The following KHDC4 variants were observed in gnomAD, a reference collection of about 807,000 sequenced individuals.
KHDC4 encodes KH homology domain-containing protein 4.
KHDC4 carries 19 observed loss-of-function variants against 74.5 expected under a neutral mutation model. The ratio of observed to expected loss-of-function variants is 0.26; its 90% confidence interval spans 0.18 to 0.37. The LOEUF (loss-of-function observed/expected upper bound fraction) is 0.37, where lower values mean the gene tolerates loss of function less well. Among genes scored for constraint, KHDC4 ranks in the 10% least tolerant of loss-of-function variants. KHDC4 has a pLI of 1.00. For synonymous variants in KHDC4, 253 were observed against 266.1 expected, an observed-to-expected ratio of 0.95 and a Z score of 0.48; for missense variants, 632 against 754.1, an observed-to-expected ratio of 0.84 and a Z score of 1.90.
chr1:155,926,679 T>C lies in KHDC4; in HGVS notation c.678A>G (p.Ser226=), dbSNP rs1674007672. The C allele has an allele frequency of 6.2e-7, 1 of 1,614,006 alleles. No homozygotes were observed. The highest frequency in any genetic ancestry group is 1.7e-5 in the Admixed American group (1 of 59,998). ...PAVSQKPPFQ[S]GMHYVQDKLF... is the part of the protein sequence containing the mutation. ...ACGATCCCTCCCCAAAACATACCCC[T>C]GACTGGAAGGGAGGCTTCTGGCTAA... The change falls in exon 6 of 14, where the codon TCA becomes TCG. Residue 226 remains serine (S), a synonymous_variant. Transcript: ENST00000368321.
intron 6 of KHDC4, 171 bp from the exon 7 acceptor site, chr1:155,926,014 C>T: frequency 1.3e-6 from 1 of 766,486 alleles, no homozygotes; most frequent in Non-Finnish European, 2.4e-6. Flanking sequence ...CTGCTCTCTC[C>T]AACCCTTTTT....
chr1:155,929,989 T>C (rs1475782467), intron 2 of KHDC4, 149 bp from the exon 3 acceptor site: 3 of 361,300 alleles, frequency 8.3e-6, no homozygotes, highest in Non-Finnish European at 9.0e-6. Flanking sequence ...CTCAGCTCAC[T>C]GCAACTTCCG....
chr1:155,926,662 T>G lies in KHDC4; in HGVS notation c.681+14A>C, dbSNP rs1161895436. On this transcript the variant is annotated intron_variant, in intron 6 of 13. Coordinates refer to ENST00000368321, the MANE Select transcript of KHDC4 (RefSeq NM_014949.4). Reference sequence around the variant, plus strand: ...AAATGATAATGCTATTAACGATCCCTCCCCAAAACATACCCCTGACTGGAA... The same window carrying G: ...AAATGATAATGCTATTAACGATCCCGCCCCAAAACATACCCCTGACTGGAA... 6.2e-7 allele frequency: 1 copy of G among 1,613,226 alleles called. No homozygotes were observed. The highest frequency in any genetic ancestry group is 1.3e-5 in the African/African-American group (1 of 74,870).
intron 7 of KHDC4, among the ~76,000 whole-genome samples, chr1:155,924,520 C>CA (rs1409349615): frequency 6.6e-6 from 1 of 151,434 alleles, no homozygotes; most frequent in Non-Finnish European, 1.5e-5. Flanking sequence ...TTGTACAAAA[C>CA]CAAAGGACTT....
intron 2 of KHDC4, chr1:155,932,703 G>C (rs1032740304): frequency 6.6e-6 from 1 of 152,110 alleles, no homozygotes; most frequent in Non-Finnish European, 1.5e-5. Flanking sequence ...GCTCATACTT[G>C]TAATCCCAGC....
chr1:155,927,917 T>A (rs1674053373), intron 4 of KHDC4, among the ~76,000 whole-genome samples: 1 of 146,582 alleles, frequency 6.8e-6, no homozygotes, highest in South Asian at 2.2e-4. Context: ...GAGAAACCTC[T>A]TAAGGTCTAC....
chr1:155,923,702 C>A lies in KHDC4; in HGVS notation c.894-15G>T. The A allele has an allele frequency of 6.2e-7, 1 of 1,602,290 alleles. No individual in the cohort carries two copies. Among genetic ancestry groups the A allele is most frequent in the Non-Finnish European group, 8.5e-7 (1 of 1,169,594 alleles). On this transcript the variant is annotated splice_polypyrimidine_tract_variant and intron_variant, in intron 7 of 13. Transcript: ENST00000368321. ...GTTTGGGGTGACTGCAAAGAAATAA[C>A]CAGGAATTCAAAGGAGAGAAAAATA... is the stretch of plus-strand genomic sequence containing the variant.
intron 2 of KHDC4, 35 bp downstream of exon 2, chr1:155,933,598 T>C: frequency 5.2e-6 from 8 of 1,533,386 alleles, no homozygotes; most frequent in Non-Finnish European, 7.1e-6. Flanking sequence ...AACTATTAAA[T>C]TCGCAATTAG....
intron 9 of KHDC4, 28 bp downstream of exon 9, chr1:155,921,833 T>A (rs1413950850): frequency 1.9e-6 from 3 of 1,553,536 alleles, no homozygotes; most frequent in Non-Finnish European, 2.7e-6. Flanking sequence ...TAGCAAAATA[T>A]TTTTTAAACA....
intron 9 of KHDC4, 35 bp from the exon 10 acceptor site, chr1:155,921,663 C>T (rs1206840850): frequency 1.3e-5 from 21 of 1,595,754 alleles, no homozygotes; most frequent in Non-Finnish European, 1.7e-5. Flanking sequence ...TAATCAGCTG[C>T]AGCAGAATGA....
chr1:155,914,170 G>A lies in KHDC4; in HGVS notation c.1796C>T (p.Ser599Leu). The A allele has an allele frequency of 6.2e-7, 1 of 1,614,168 alleles. No individual in the cohort carries two copies. The highest frequency in any genetic ancestry group is 8.5e-7 in the Non-Finnish European group (1 of 1,180,022). Residue 599 changes from serine (S) to leucine (L), a missense_variant, in exon 14 of 14, where the codon TCA (serine) becomes TTA (leucine). Around this residue, in one of 4 missense-constraint regions of KHDC4, gnomAD observed 41 missense variants for 66.0 expected, o/e 0.62. Transcript: ENST00000368321. ...QGWSLGYQYPSSQPRAKQQMP... is the reference protein window; with the variant it reads ...QGWSLGYQYPLSQPRAKQQMP... The stretch of plus-strand genomic sequence containing the variant: ...CTGTTGTTTAGCTCGTGGTTGTGAT[G>A]AAGGATATTGGTATCCCAAACTCCA...
At chr1:155,933,167 C>T (rs1227350977) in intron 2 of KHDC4, among the ~76,000 whole-genome samples, 4 of 152,090 alleles carry the variant, frequency 2.6e-5, no homozygotes, top group East Asian at 1.9e-4. Context: ...AAAAACGCCT[C>T]GTAAATATGT....
intron 7 of KHDC4, among the ~76,000 whole-genome samples, chr1:155,924,650 T>A (rs1219194879): frequency 6.0e-5 from 9 of 150,668 alleles, no homozygotes. Flanking sequence ...CTCAGCTCAC[T>A]GCAACCTCCG....
In KHDC4 at chr1:155,913,941, G is replaced by A. The variant is rs541631749; in HGVS notation, c.*180C>T. 314 of 593,146 alleles carry A rather than the reference G, an allele frequency of 5.3e-4. No homozygotes were observed. The highest frequency in any genetic ancestry group is 8.3e-4 in the Middle Eastern group (2 of 2,404). The allele number at this position is 593,146 out of a possible 1,614,324, so 36.7% of individuals were successfully genotyped here. On this transcript the variant is annotated 3_prime_UTR_variant, in exon 14 of 14. Transcript: ENST00000368321. ...AAATTTTAACAGATTCTATGCCACTGCAGAAATAAGGATTTTTGTGGTTGT... is the reference window on the plus strand; with the variant it reads ...AAATTTTAACAGATTCTATGCCACTACAGAAATAAGGATTTTTGTGGTTGT...
In KHDC4 at chr1:155,914,203, G is replaced by A. The variant is rs775700856; in HGVS notation, c.1763C>T (p.Pro588Leu). 9 of 1,614,056 alleles carry A rather than the reference G, an allele frequency of 5.6e-6. No individual in the cohort carries two copies. In the South Asian group the frequency reaches 9.9e-5, roughly 18 times the overall value. ...TTGGTATCCCAAACTCCAGCCCTGT[G>A]GAAAACTACTTGCATTTTTATGACC... ...HGGHKNASSF[P>L]QGWSLGYQYP... is the part of the protein sequence containing the mutation. The change falls in exon 14 of 14, where the codon CCA (proline) becomes CTA (leucine). Residue 588 changes from proline (P) to leucine (L), a missense_variant. Pro to Leu is a moderately conservative substitution (Grantham distance 98). Around this residue, in one of 4 missense-constraint regions of KHDC4, gnomAD observed 41 missense variants for 66.0 expected, o/e 0.62. Coordinates refer to ENST00000368321, the MANE Select transcript of KHDC4 (RefSeq NM_014949.4).
intron 10 of KHDC4, 26 bp downstream of exon 10, chr1:155,921,349 T>C (rs1673858780): frequency 3.1e-6 from 5 of 1,609,968 alleles, no homozygotes; most frequent in African/African-American, 1.3e-5. Flanking sequence ...TTCAGTAATA[T>C]GTTGTTGCAT....
At chr1:155,926,871 G>C in intron 5 of KHDC4, 32 bp from the exon 6 acceptor site, 1 of 1,610,936 alleles carries the variant, frequency 6.2e-7, no homozygotes, top group Non-Finnish European at 8.5e-7. Context: ...AAACTGAATG[G>C]AATGAACTGA....
At chr1:155,929,267 T>C in intron 4 of KHDC4, 29 bp downstream of exon 4, 4 of 1,518,410 alleles carry the variant, frequency 2.6e-6, no homozygotes, top group Non-Finnish European at 3.7e-6. Flanking sequence ...CACCCAACCC[T>C]TCCATAAACA....
intron 12 of KHDC4, among the ~76,000 whole-genome samples, chr1:155,916,168 A>T (rs1374986821): frequency 6.6e-6 from 1 of 152,194 alleles, no homozygotes; most frequent in Non-Finnish European, 1.5e-5. Flanking sequence ...AAATCGAATG[A>T]ACTGTTATAG....
Sources: gnomAD v4.1 joint callset for allele counts (sites outside exome capture counted in the v4.1 genomes callset) on GRCh38, gnomAD v4.1.1 for gene constraint, gnomAD v4.1.1 regional missense constraint, MANE v1.5 for transcripts, NCBI Gene and HGNC (gene_info 2026-07-23, HGNC 2026-07-21) for gene names.